Variants in SYT1 observed in about 807,000 individuals in gnomAD.
SYT1 encodes the protein synaptotagmin 1.
Under a neutral mutation model 44.8 loss-of-function variants are expected in SYT1, and 8 were observed. The ratio of observed to expected loss-of-function variants is 0.18; its 90% CI spans 0.10 to 0.32. The LOEUF is 0.32. Ranked by LOEUF, SYT1 falls within the 10% of genes least tolerant of loss-of-function variation. The probability of loss-of-function intolerance (pLI) is 1.00; values close to 1 mark genes in which losing one functional copy is unlikely to be tolerated. For missense variants in SYT1, 286 were observed against 509.3 expected (o/e 0.56, Z 4.22); for synonymous variants, 154 against 188.8 (o/e 0.82, Z 1.51).
At chr12:79,239,485 T>C (rs1428706923) in intron 4 of SYT1, among the ~76,000 whole-genome samples, 1 of 152,234 alleles carries the variant, frequency 6.6e-6, no homozygotes, top group African/African-American at 2.4e-5. Flanking sequence ...CATTGGTCCA[T>C]TCATTCTAAT....
intron 1 of SYT1, among the ~76,000 whole-genome samples, chr12:78,931,371 AGG>A (rs1877723215): frequency 9.2e-6 from 1 of 109,058 alleles, no homozygotes; most frequent in East Asian, 3.5e-4. Flanking sequence ...GAAGGAAGGA[AGG>A]AAGGAAGGAA....
At chr12:79,383,147 G>T (rs1036918245) in intron 9 of SYT1, among the ~76,000 whole-genome samples, 1 of 152,204 alleles carries the variant, frequency 6.6e-6, no homozygotes, top group African/African-American at 2.4e-5. Flanking sequence ...CATCATTGTT[G>T]TGTGAACTTC....
chr12:79,122,735 G>A (rs1868298436), intron 3 of SYT1, among the ~76,000 whole-genome samples: 1 of 152,100 alleles, frequency 6.6e-6, no homozygotes, highest in South Asian at 2.1e-4. Flanking sequence ...AGATATTTGA[G>A]CATTATGATT....
intron 1 of SYT1, among the ~76,000 whole-genome samples, chr12:78,886,221 T>G (rs1252191700): frequency 6.6e-6 from 1 of 152,000 alleles, no homozygotes; most frequent in Non-Finnish European, 1.5e-5. Context: ...GAAAGACTAA[T>G]GCATTCACAA....
At chr12:79,335,012 C>G (rs565161657) in intron 8 of SYT1, among the ~76,000 whole-genome samples, 1 of 152,164 alleles carries the variant, frequency 6.6e-6, no homozygotes, top group Non-Finnish European at 1.5e-5. Flanking sequence ...TTCATTCCCC[C>G]ACTCCAGGTG....
At chr12:79,105,840 A>G (rs1303185921) in intron 3 of SYT1, among the ~76,000 whole-genome samples, 1 of 151,950 alleles carries the variant, frequency 6.6e-6, no homozygotes, top group East Asian at 1.9e-4. Context: ...AGATTGCGCC[A>G]CTGCACTCCA....
chr12:79,124,106 A>G (rs962735268), intron 3 of SYT1, among the ~76,000 whole-genome samples: 1 of 152,202 alleles, frequency 6.6e-6, no homozygotes, highest in Non-Finnish European at 1.5e-5. Context: ...AATTGTCAAA[A>G]AGAAAAACCT....
At chr12:79,131,879 G>A (rs544274163) in intron 3 of SYT1, among the ~76,000 whole-genome samples, 90 of 152,270 alleles carry the variant, frequency 5.9e-4, no homozygotes, top group Non-Finnish European at 8.8e-4. Flanking sequence ...TGGTTAATTC[G>A]AGTAAAGAGA....
chr12:79,329,305 T>C (rs992557560), intron 8 of SYT1, among the ~76,000 whole-genome samples: 3 of 152,164 alleles, frequency 2.0e-5, no homozygotes, highest in African/African-American at 7.2e-5. Flanking sequence ...TCTGTGTGTC[T>C]AAGAAAAACC....
At chr12:79,052,709 C>G (rs199782755) in intron 3 of SYT1, among the ~76,000 whole-genome samples, 1 of 152,130 alleles carries the variant, frequency 6.6e-6, no homozygotes, top group Non-Finnish European at 1.5e-5. Context: ...TATGAACAGA[C>G]GCTTCTCAAA....
At position 79,200,455 on chromosome 12, in the gene SYT1, T is replaced by C. The variant is rs150253924; in HGVS notation, c.-17-17048T>C. The stretch of plus-strand genomic sequence containing the variant: ...GCCACTATGAGGGCTCTCTGAGTAA[T>C]GTGGACAGGGTGTAGGAGCAAACAA... On this transcript the variant is annotated intron_variant, in intron 3 of 10. Transcript: ENST00000261205. Among the ~76,000 whole-genome samples, 11 of 152,208 alleles carry C rather than the reference T, an allele frequency of 7.2e-5. 1 individual carries two copies. Among genetic ancestry groups the C allele is most frequent in the Admixed American group, 3.3e-4 (5 of 15,270 alleles).
intron 9 of SYT1, among the ~76,000 whole-genome samples, chr12:79,427,327 G>A (rs1240404041): frequency 2.6e-5 from 4 of 152,140 alleles, no homozygotes; most frequent in Non-Finnish European, 5.9e-5. Flanking sequence ...AAGATTTCCA[G>A]GGACAATTCT....
At chr12:79,383,078 C>T (rs1648933234) in intron 9 of SYT1, among the ~76,000 whole-genome samples, 1 of 152,144 alleles carries the variant, frequency 6.6e-6, no homozygotes, top group Admixed American at 6.5e-5. Context: ...GTGGAACAGA[C>T]ACATATACAG....
chr12:78,988,142 A>G (rs991706709), intron 2 of SYT1, among the ~76,000 whole-genome samples: 2 of 151,964 alleles, frequency 1.3e-5, no homozygotes, highest in African/African-American at 4.8e-5. Flanking sequence ...TTTTTTTTCA[A>G]AATGTACAAT....
At chr12:79,315,669 C>T (rs1881048155) in intron 8 of SYT1, among the ~76,000 whole-genome samples, 1 of 152,192 alleles carries the variant, frequency 6.6e-6, no homozygotes, top group Admixed American at 6.5e-5. Context: ...ATATTCTAGT[C>T]TCTCTTTAAA....
chr12:79,147,433 C>A (rs767667843), intron 3 of SYT1, among the ~76,000 whole-genome samples: 1 of 151,986 alleles, frequency 6.6e-6, no homozygotes. Context: ...AGGTGTACAG[C>A]CTATTTTTTT....
chr12:78,941,065 CTTTTTTTTT>C (rs398044555), intron 1 of SYT1, among the ~76,000 whole-genome samples: 19 of 68,468 alleles, frequency 2.8e-4, no homozygotes, highest in Non-Finnish European at 4.1e-4. Flanking sequence ...CTTTTTTTTT[CTTTTTTTTT>C]TTTTTTTTTG....
At chr12:78,995,716 G>A (rs1870330523) in intron 2 of SYT1, 1 of 152,164 alleles carries the variant, frequency 6.6e-6, no homozygotes, top group African/African-American at 2.4e-5. Flanking sequence ...CCCCAAGGTA[G>A]ATTATGCTGG....
chr12:79,383,354 A>G (rs1309395438), intron 9 of SYT1, among the ~76,000 whole-genome samples: 3 of 152,214 alleles, frequency 2.0e-5, no homozygotes, highest in Non-Finnish European at 4.4e-5. Flanking sequence ...CATCATTATA[A>G]TCTTACAGGA....
Sources: gnomAD v4.1 joint callset for allele counts (sites outside exome capture counted in the v4.1 genomes callset) on GRCh38, gnomAD v4.1.1 for gene constraint, MANE v1.5 for transcripts, NCBI Gene and HGNC (gene_info 2026-07-23, HGNC 2026-07-21) for gene names.